LDHA: variants seen among roughly 807,000 people sequenced by gnomAD.
LDHA encodes L-lactate dehydrogenase A chain.
Under a neutral mutation model 36.3 loss-of-function variants are expected in LDHA, and 10 were observed. That is an observed-to-expected ratio of 0.28 (90% CI 0.17 to 0.47). The LOEUF (loss-of-function observed/expected upper bound fraction) is 0.47, where lower values mean the gene tolerates loss of function less well. Ranked by LOEUF, LDHA falls within the 20% of genes least tolerant of loss-of-function variation. LDHA has a pLI of 0.99. For missense variants in LDHA, 267 were observed against 405.8 expected (o/e 0.66, Z 2.94); for synonymous variants, 110 against 136.7 (o/e 0.80, Z 1.36).
At chr11:18,394,828 G>C (rs1489946593) in intron 1 of LDHA, 192 bp downstream of exon 1, 29 of 356,898 alleles carry the variant, frequency 8.1e-5, no homozygotes, top group South Asian at 5.1e-4. Flanking sequence ...AGCTCGCCGC[G>C]CTCTGCTTTT....
rs1866755725 is a variant in LDHA at position 18,407,836 on chromosome 11, C to T, written c.*555C>T. ...ATACCAACTAAAACCCCCAATAAACCTTGAACAGTGACTACTTTGGTTAAT... is the reference window on the plus strand; with the variant it reads ...ATACCAACTAAAACCCCCAATAAACTTTGAACAGTGACTACTTTGGTTAAT... On this transcript the variant is annotated 3_prime_UTR_variant, in exon 8 of 8. Coordinates refer to ENST00000422447, the MANE Select transcript of LDHA (RefSeq NM_005566.4). 1 of 454,330 alleles carries T rather than the reference C, an allele frequency of 2.2e-6. No homozygotes were observed. The highest frequency in any genetic ancestry group is 2.0e-5 in the African/African-American group (1 of 49,992). 28.1% of individuals were successfully genotyped at this position (454,330 alleles called of 1,614,324 possible). A position where few individuals can be genotyped will look rare whatever the true frequency, so the allele number is the denominator to read the frequency against.
rs1400832360 is a variant in LDHA at position 18,407,291 on chromosome 11, A to G, written c.*10A>G. ...GGAGCTGCAATTTTAAAGTCTTCTG[A>G]TGTCATATCATTTCACTGTCTAGGC... On this transcript the variant is annotated 3_prime_UTR_variant, in exon 8 of 8. Coordinates refer to ENST00000422447, the MANE Select transcript of LDHA (RefSeq NM_005566.4). The G allele has an allele frequency of 6.2e-7, 1 of 1,612,972 alleles. No individual in the cohort carries two copies. Among genetic ancestry groups the G allele is most frequent in the Admixed American group, 1.7e-5 (1 of 59,996 alleles).
intron 2 of LDHA, chr11:18,399,037 G>A (rs936626420): frequency 8.3e-6 from 2 of 240,830 alleles, no homozygotes; most frequent in African/African-American, 4.5e-5. Context: ...TTCAAGTCTT[G>A]ATGCTGGTCA....
intron 2 of LDHA, chr11:18,398,816 A>T (rs1000891975): frequency 6.3e-6 from 1 of 158,308 alleles, no homozygotes; most frequent in Admixed American, 6.0e-5. Context: ...GGGTTTCACC[A>T]TGTTAGCCAG....
In LDHA at chr11:18,405,492, A is replaced by G. The variant is rs1218949575; in HGVS notation, c.754A>G (p.Ile252Val). The G allele has an allele frequency of 3.7e-6, 6 of 1,613,774 alleles. No individual in the cohort carries two copies. The highest frequency in any genetic ancestry group is 5.1e-6 in the Non-Finnish European group (6 of 1,179,798). ...IKLKGYTSWA[I>V]GLSVADLAES... ...ACTCAAAGGCTACACATCCTGGGCT[A>G]TTGGACTCTCTGTAGCAGATTTGGC... Residue 252 changes from isoleucine to valine, a missense_variant, in exon 7 of 8, where the codon ATT becomes GTT. By Grantham distance (29) the Ile-to-Val change is conservative. Coordinates refer to ENST00000422447, the MANE Select transcript of LDHA (RefSeq NM_005566.4).
chr11:18,395,715 T>C lies in LDHA; in HGVS notation c.-25+1079T>C, dbSNP rs556340704. 6.6e-5 allele frequency among the ~76,000 whole-genome samples: 10 copies of C among 152,218 alleles called. 1 individual carries two copies. Among genetic ancestry groups the C allele is most frequent in the South Asian group, 6.2e-4 (3 of 4,830 alleles). ...TACTTTGGGGATGCAGCCTGTGATA[T>C]TTCCTCCAGCGAATGCAGTGCAGGG... On this transcript the variant is annotated intron_variant, in intron 1 of 7. Transcript: ENST00000422447.
At position 18,405,555 on chromosome 11, in the gene LDHA, G is replaced by C; in HGVS notation, c.817G>C (p.Val273Leu). The C allele has an allele frequency of 4.3e-6, 7 of 1,613,982 alleles. No individual in the cohort carries two copies. Among genetic ancestry groups the C allele is most frequent in the African/African-American group, 1.3e-5 (1 of 75,046 alleles). The change falls in exon 7 of 8, where the codon GTT (valine) becomes CTT (leucine). Residue 273 changes from valine to leucine, a missense_variant. Val to Leu is a conservative substitution (Grantham distance 32, BLOSUM62 1). Coordinates refer to ENST00000422447, the MANE Select transcript of LDHA (RefSeq NM_005566.4). ...IMKNLRRVHP[V>L]STMIKGLYGI... is the part of the protein sequence containing the mutation. ...GAAGAATCTTAGGCGGGTGCACCCA[G>C]TTTCCACCATGATTAAGGTAGGTCT... is the stretch of plus-strand genomic sequence containing the variant.
intron 4 of LDHA, among the ~76,000 whole-genome samples, chr11:18,402,147 GTT>G (rs1281054103): frequency 7.3e-5 from 11 of 151,430 alleles, no homozygotes; most frequent in Non-Finnish European, 1.3e-4. Context: ...GTAGAAAGGG[GTT>G]TCACCATGTT....
At chr11:18,398,850 G>T (rs1451044099) in intron 2 of LDHA, 1 of 160,344 alleles carries the variant, frequency 6.2e-6, no homozygotes, top group Admixed American at 5.9e-5. Context: ...TCCTGACCTC[G>T]TGATCCGCCT....
In LDHA at chr11:18,401,955, C is replaced by CTCTCTTTTT. The variant is rs59534512; in HGVS notation, c.419-884_419-883insCTCTTTTTT. Among the ~76,000 whole-genome samples the CTCTCTTTTT allele has an allele frequency of 4.1e-3, 215 of 51,926 alleles. 6 individuals are homozygous for CTCTCTTTTT. Among genetic ancestry groups the CTCTCTTTTT allele is most frequent in the Non-Finnish European group, 6.6e-3 (173 of 26,258 alleles). 34.1% of individuals were successfully genotyped at this position (51,926 alleles called of 152,430 possible). ...TAAGTTTGTGAATAATTGTTATTCT[C>CTCTCTTTTT]TTTTTTTTTTTTTTTTTTTTTGAGA... On this transcript the variant is annotated intron_variant, in intron 4 of 7. Coordinates refer to ENST00000422447, the MANE Select transcript of LDHA (RefSeq NM_005566.4).
chr11:18,407,041 A>G lies in LDHA; in HGVS notation c.835-76A>G, dbSNP rs1034873010. On this transcript the variant is annotated intron_variant, in intron 7 of 7. Transcript: ENST00000422447. ...TAAAAAAAAAAAGCTTTATAATTAT[A>G]GAGACTGTAAGTCTTGGGAAACCTG... 4 of 1,134,496 alleles carry G rather than the reference A, an allele frequency of 3.5e-6. No individual in the cohort carries two copies. In the African/African-American group the frequency reaches 6.2e-5, roughly 18 times the overall value. The allele number at this position is 1,134,496 out of a possible 1,614,324, so 70.3% of individuals were successfully genotyped here.
rs558682059 is a variant in LDHA at position 18,400,713 on chromosome 11, A to G, written c.245-124A>G. 8 of 728,892 alleles carry G rather than the reference A, an allele frequency of 1.1e-5. No homozygotes were observed. In the African/African-American group the frequency reaches 1.4e-4, roughly 13 times the overall value. 45.2% of individuals were successfully genotyped at this position (728,892 alleles called of 1,614,324 possible). A position where few individuals can be genotyped will look rare whatever the true frequency, so the allele number is the denominator to read the frequency against. The stretch of plus-strand genomic sequence containing the variant: ...TGACATGCTCTTCCTCCATTTAAGA[A>G]GCCATAATGATAAAACTCTAAGAAC... On this transcript the variant is annotated intron_variant, in intron 3 of 7. Coordinates refer to ENST00000422447, the MANE Select transcript of LDHA (RefSeq NM_005566.4).
In LDHA at chr11:18,400,883, G is replaced by A. The variant is rs200724597; in HGVS notation, c.291G>A (p.Gly97=). ...ANSKLVIITA[G]ARQQEGESRL... ...CCAAGCTGGTCATTATCACGGCTGG[G>A]GCACGTCAGCAAGAGGGAGAAAGCC... The change falls in exon 4 of 8, where the codon GGG becomes GGA. Residue 97 remains glycine (G), a synonymous_variant. Coordinates refer to ENST00000422447, the MANE Select transcript of LDHA (RefSeq NM_005566.4). 3.7e-6 allele frequency: 6 copies of A among 1,613,440 alleles called. No individual in the cohort carries two copies. In the Admixed American group the frequency reaches 8.3e-5, roughly 22 times the overall value.
rs1396770432 is a variant in LDHA at position 18,408,246 on chromosome 11, C to G, written c.*965C>G. On this transcript the variant is annotated 3_prime_UTR_variant, in exon 8 of 8. Transcript: ENST00000422447. ...CAGTGGCTCATGCCTATAATCCCAGCACTTTGGGAAGCCCAGGTGGGCTGA... is the reference window on the plus strand; with the variant it reads ...CAGTGGCTCATGCCTATAATCCCAGGACTTTGGGAAGCCCAGGTGGGCTGA... The G allele has an allele frequency of 2.2e-6, 1 of 453,786 alleles. No individual in the cohort carries two copies. The allele number at this position is 453,786 out of a possible 1,614,324, so 28.1% of individuals were successfully genotyped here.
chr11:18,403,839 A>G, intron 6 of LDHA, 28 bp downstream of exon 6: 1 of 1,190,458 alleles, frequency 8.4e-7, no homozygotes, highest in Non-Finnish European at 1.3e-6. Context: ...TTGGCAACAC[A>G]GAATATTAAC....
intron 2 of LDHA, among the ~76,000 whole-genome samples, chr11:18,398,252 T>C (rs76024205): frequency 0.016 from 2,499 of 152,294 alleles, 75 homozygotes; most frequent in African/African-American, 0.057. Flanking sequence ...GTTGCAACTA[T>C]AAGGATATTT....
intron 7 of LDHA, 89 bp from the exon 8 acceptor site, chr11:18,407,028 G>T: frequency 9.6e-7 from 1 of 1,039,442 alleles, no homozygotes; most frequent in Non-Finnish European, 1.4e-6. Flanking sequence ...AAAAAAAAAA[G>T]CTTTATAATT....
At chr11:18,395,424 G>A (rs1189083414) in intron 1 of LDHA, among the ~76,000 whole-genome samples, 2 of 151,878 alleles carry the variant, frequency 1.3e-5, no homozygotes, top group African/African-American at 4.8e-5. Flanking sequence ...CTCGCCTCTA[G>A]ACGCACCCTT....
chr11:18,402,362 A>T (rs1184478020), intron 4 of LDHA, among the ~76,000 whole-genome samples: 1 of 151,960 alleles, frequency 6.6e-6, no homozygotes, highest in East Asian at 1.9e-4. Context: ...GGGCAATGGG[A>T]TGATCATGGC....
Sources: gnomAD v4.1 joint callset for allele counts (sites outside exome capture counted in the v4.1 genomes callset) on GRCh38, gnomAD v4.1.1 for gene constraint, MANE v1.5 for transcripts, NCBI Gene and HGNC (gene_info 2026-07-23, HGNC 2026-07-21) for gene names.